The following FAM162A variants were observed in gnomAD, a reference collection of about 807,000 sequenced individuals.
The protein encoded by FAM162A is protein FAM162A.
In FAM162A, 23 loss-of-function variants were observed where a neutral mutation model predicts 21.8. The observed-to-expected ratio is 1.05, with a 90% CI of 0.76 to 1.49. The LOEUF (loss-of-function observed/expected upper bound fraction) is 1.49, where lower values mean the gene tolerates loss of function less well. FAM162A is among the 40% of genes most tolerant of loss of function. The pLI is 0.00. For synonymous variants in FAM162A, 53 were observed against 61.3 expected (o/e 0.86, Z 0.64); for missense variants, 165 against 186.4 (o/e 0.89, Z 0.67).
At chr3:122,396,658 G>A (rs1027753695) in intron 1 of FAM162A, among the ~76,000 whole-genome samples, 16 of 152,184 alleles carry the variant, frequency 1.1e-4, no homozygotes, top group Non-Finnish European at 2.2e-4. Flanking sequence ...GAAAATACAT[G>A]TTCCTCAAAA....
At chr3:122,395,463 T>C (rs2075622824) in intron 1 of FAM162A, among the ~76,000 whole-genome samples, 1 of 152,198 alleles carries the variant, frequency 6.6e-6, no homozygotes, top group African/African-American at 2.4e-5. Flanking sequence ...CCATTTATAA[T>C]AGCATCAAAA....
chr3:122,384,281 G>C lies in FAM162A; in HGVS notation c.16G>C (p.Gly6Arg), dbSNP rs868299833. The C allele has an allele frequency of 6.3e-7, 1 of 1,579,356 alleles. No individual in the cohort carries two copies. ...GCAAGTGGCCATGGGGAGCCTCAGCGGTCTGCGCCTGGCAGCAGGTGAGAC... is the reference window on the plus strand; with the variant it reads ...GCAAGTGGCCATGGGGAGCCTCAGCCGTCTGCGCCTGGCAGCAGGTGAGAC... MGSLS[G>R]LRLAAGSCFR... The change falls in exon 1 of 5, where the codon GGT becomes CGT. Residue 6 changes from glycine (G) to arginine (R), a missense_variant. Gly to Arg is a moderately radical substitution (Grantham distance 125). Coordinates refer to ENST00000477892, the MANE Select transcript of FAM162A (RefSeq NM_014367.4).
At chr3:122,405,584 A>C (rs1213282386) in intron 3 of FAM162A, among the ~76,000 whole-genome samples, 2 of 152,170 alleles carry the variant, frequency 1.3e-5, no homozygotes, top group Non-Finnish European at 2.9e-5. Flanking sequence ...CCATGGCCTT[A>C]ACAGATGCTG....
At chr3:122,388,166 G>A (rs1353981460) in intron 1 of FAM162A, among the ~76,000 whole-genome samples, 1 of 152,192 alleles carries the variant, frequency 6.6e-6, no homozygotes, top group Non-Finnish European at 1.5e-5. Context: ...GTGAGGTGAT[G>A]ATGGAAATAA....
intron 1 of FAM162A, among the ~76,000 whole-genome samples, chr3:122,398,139 A>T (rs1258390897): frequency 2.0e-5 from 3 of 152,254 alleles, no homozygotes; most frequent in Non-Finnish European, 4.4e-5. Context: ...TGTTCATTTT[A>T]AAACTGGCAA....
At chr3:122,389,871 T>G (rs67818421) in intron 1 of FAM162A, among the ~76,000 whole-genome samples, 31,144 of 152,178 alleles carry the variant, frequency 0.2, 3,885 homozygotes, top group African/African-American at 0.34. Flanking sequence ...AAGTGTTACT[T>G]TTATCATTTA....
At chr3:122,397,089 TTA>T (rs1408701006) in intron 1 of FAM162A, among the ~76,000 whole-genome samples, 1 of 152,196 alleles carries the variant, frequency 6.6e-6, no homozygotes, top group Non-Finnish European at 1.5e-5. Flanking sequence ...AAAGTGAGTT[TTA>T]TGGTAGGGAA....
In FAM162A at chr3:122,410,977, T is replaced by G. The variant is rs772419304; in HGVS notation, c.*1146T>G. ...ATTTAATAATTGCCTCAAAGTGCAT[T>G]GTGCTGTGCCTAATTTATAAAATAA... On this transcript the variant is annotated 3_prime_UTR_variant, in exon 5 of 5. Coordinates refer to ENST00000477892, the MANE Select transcript of FAM162A (RefSeq NM_014367.4). 1.3e-5 allele frequency: 2 copies of G among 152,162 alleles called. No individual in the cohort carries two copies. Among genetic ancestry groups the G allele is most frequent in the Non-Finnish European group, 2.9e-5 (2 of 68,042 alleles). 9.4% of individuals were successfully genotyped at this position (152,162 alleles called of 1,614,324 possible). A position where few individuals can be genotyped will look rare whatever the true frequency, so the allele number is the denominator to read the frequency against.
At chr3:122,389,963 G>A (rs201144888) in intron 1 of FAM162A, among the ~76,000 whole-genome samples, 4 of 151,970 alleles carry the variant, frequency 2.6e-5, no homozygotes, top group Non-Finnish European at 5.9e-5. Context: ...AGTGAGACCC[G>A]ATCTCTACAA....
chr3:122,395,621 C>G (rs769747952), intron 1 of FAM162A, among the ~76,000 whole-genome samples: 2 of 152,146 alleles, frequency 1.3e-5, no homozygotes. Flanking sequence ...TCAAATTGAT[C>G]TATGGATTCA....
At chr3:122,399,873 G>A (rs2075645225) in intron 1 of FAM162A, among the ~76,000 whole-genome samples, 1 of 152,154 alleles carries the variant, frequency 6.6e-6, no homozygotes, top group Non-Finnish European at 1.5e-5. Context: ...GGAGGCTGAG[G>A]CAGTCGGATC....
At chr3:122,389,419 ATAG>A (rs1468733850) in intron 1 of FAM162A, among the ~76,000 whole-genome samples, 1 of 152,042 alleles carries the variant, frequency 6.6e-6, no homozygotes, top group South Asian at 2.1e-4. Flanking sequence ...AGATAGATAG[ATAG>A]ATAGATAGAT....
At chr3:122,394,677 A>G (rs1018513417) in intron 1 of FAM162A, among the ~76,000 whole-genome samples, 3 of 152,242 alleles carry the variant, frequency 2.0e-5, no homozygotes, top group African/African-American at 7.2e-5. Flanking sequence ...CCAGGCCCAG[A>G]TGGCTTCAAT....
At chr3:122,386,998 A>G (rs2075577355) in intron 1 of FAM162A, among the ~76,000 whole-genome samples, 2 of 152,176 alleles carry the variant, frequency 1.3e-5, no homozygotes, top group Non-Finnish European at 2.9e-5. Context: ...CCATTTACCC[A>G]CACTACGCTG....
At chr3:122,389,695 A>G (rs1240972328) in intron 1 of FAM162A, among the ~76,000 whole-genome samples, 1 of 152,192 alleles carries the variant, frequency 6.6e-6, no homozygotes, top group Non-Finnish European at 1.5e-5. Flanking sequence ...ACATAGCAAG[A>G]TACAGTATTA....
chr3:122,386,098 A>G (rs2075573074), intron 1 of FAM162A, among the ~76,000 whole-genome samples: 1 of 152,218 alleles, frequency 6.6e-6, no homozygotes. Flanking sequence ...TGCGTGTGTG[A>G]ATTTGTCATG....
In FAM162A at chr3:122,412,091, T is replaced by C. The variant is rs757344064; in HGVS notation, c.*2260T>C. On this transcript the variant is annotated 3_prime_UTR_variant, in exon 5 of 5. Coordinates refer to ENST00000477892, the MANE Select transcript of FAM162A (RefSeq NM_014367.4). ...CCCTACTAGTAACTCTGATATCTCA[T>C]AGTCCTCAGATTTATCAAGCAAACG... 6.6e-6 allele frequency: 1 copy of C among 152,170 alleles called. No individual in the cohort carries two copies. The highest frequency in any genetic ancestry group is 1.5e-5 in the Non-Finnish European group (1 of 68,030). The allele number at this position is 152,170 out of a possible 1,614,324, so 9.4% of individuals were successfully genotyped here.
rs1447807703 is a variant in FAM162A at position 122,411,183 on chromosome 3, A to G, written c.*1352A>G. 1 of 152,236 alleles carries G rather than the reference A, an allele frequency of 6.6e-6. No homozygotes were observed. The highest frequency in any genetic ancestry group is 1.5e-5 in the Non-Finnish European group (1 of 68,052). 9.4% of individuals were successfully genotyped at this position (152,236 alleles called of 1,614,324 possible). A position where few individuals can be genotyped will look rare whatever the true frequency, so the allele number is the denominator to read the frequency against. ...GAGAGTTATAAGAGAGATTAAAAAT[A>G]CATGCAGCTGTTTGGGCACTTTCTT... On this transcript the variant is annotated 3_prime_UTR_variant, in exon 5 of 5. Transcript: ENST00000477892.
intron 3 of FAM162A, among the ~76,000 whole-genome samples, chr3:122,406,857 G>A (rs546306910): frequency 3.9e-5 from 6 of 152,276 alleles, no homozygotes; most frequent in African/African-American, 9.6e-5. Flanking sequence ...GTTTTCAGAC[G>A]ATGACTACAT....
Sources: gnomAD v4.1 joint callset for allele counts (sites outside exome capture counted in the v4.1 genomes callset) on GRCh38, gnomAD v4.1.1 for gene constraint, MANE v1.5 for transcripts, NCBI Gene and HGNC (gene_info 2026-07-23, HGNC 2026-07-21) for gene names.